The following PTPN12 variants were observed in gnomAD, a reference collection of about 807,000 sequenced individuals.
PTPN12 encodes tyrosine-protein phosphatase non-receptor type 12.
In PTPN12, 29 loss-of-function variants were observed where a neutral mutation model predicts 97.6. The ratio of observed to expected loss-of-function variants is 0.30; its 90% CI spans 0.22 to 0.41. The LOEUF (loss-of-function observed/expected upper bound fraction) is 0.41, where lower values mean the gene tolerates loss of function less well. Among genes scored for constraint, PTPN12 ranks in the 10% least tolerant of loss-of-function variants. The pLI is 1.00. For missense variants in PTPN12, 819 were observed against 926.0 expected, an observed-to-expected ratio of 0.88 and a Z score of 1.50; for synonymous variants, 327 against 300.4, an observed-to-expected ratio of 1.09 and a Z score of -0.91.
In PTPN12 at chr7:77,626,758, A is replaced by G. The variant is rs188683874; in HGVS notation, c.1079A>G (p.His360Arg). 9 of 1,612,834 alleles carry G rather than the reference A, an allele frequency of 5.6e-6. No individual in the cohort carries two copies. The African/African-American group carries it at 1.1e-4, about 19-fold the overall frequency. The part of the protein sequence containing the change: ...KEEILQPPEP[H>R]PVPPILTPSP... Reference sequence around the variant, plus strand: ...GAAATACTGCAGCCACCGGAACCTCATCCAGTGCCACCCATCTTGACACCT... The same window carrying G: ...GAAATACTGCAGCCACCGGAACCTCGTCCAGTGCCACCCATCTTGACACCT... Residue 360 changes from histidine to arginine, a missense_variant, in exon 13 of 18, where the codon CAT (histidine) becomes CGT (arginine). Physicochemically the swap from His to Arg is conservative, Grantham distance 29 (BLOSUM62 0). Around this residue, in one of 5 missense-constraint regions of PTPN12, gnomAD observed 607 missense variants for 577.3 expected, o/e 1.05. Transcript: ENST00000248594.
intron 12 of PTPN12, among the ~76,000 whole-genome samples, chr7:77,623,022 AAAG>A (rs1427840070): frequency 6.6e-5 from 10 of 151,806 alleles, no homozygotes; most frequent in South Asian, 6.2e-4. Flanking sequence ...CAAAAAAAAA[AAAG>A]AAGAAAAAAT....
chr7:77,559,172 A>G (rs1807877785), intron 1 of PTPN12, among the ~76,000 whole-genome samples: 1 of 152,240 alleles, frequency 6.6e-6, no homozygotes, highest in East Asian at 1.9e-4. Flanking sequence ...CTTGTGGACA[A>G]CGTTTCACAC....
chr7:77,563,818 T>G, intron 1 of PTPN12: 1 of 240,372 alleles, frequency 4.2e-6, no homozygotes, highest in Non-Finnish European at 9.0e-6. Flanking sequence ...ATAGGCAGAG[T>G]TGCATATTTT....
At chr7:77,617,358 A>G (rs1031169096) in intron 11 of PTPN12, among the ~76,000 whole-genome samples, 3 of 152,182 alleles carry the variant, frequency 2.0e-5, no homozygotes, top group Non-Finnish European at 4.4e-5. Context: ...AAGTTTTATG[A>G]CATAACTCTG....
chr7:77,622,925 AAAGAT>A (rs1788993604), intron 12 of PTPN12, among the ~76,000 whole-genome samples: 1 of 151,894 alleles, frequency 6.6e-6, no homozygotes, highest in Non-Finnish European at 1.5e-5. Context: ...GTAGGAGAGA[AAAGAT>A]AAGGAAATTA....
chr7:77,609,113 G>C (rs1474619935), intron 9 of PTPN12, among the ~76,000 whole-genome samples: 2 of 152,180 alleles, frequency 1.3e-5, no homozygotes, highest in African/African-American at 4.8e-5. Context: ...CCAGTTACTT[G>C]TCAGGCTGAG....
intron 8 of PTPN12, among the ~76,000 whole-genome samples, chr7:77,606,438 C>G (rs974085656): frequency 6.6e-6 from 1 of 151,964 alleles, no homozygotes. Flanking sequence ...ACTCTGTTAC[C>G]CAGGCTGGAA....
chr7:77,557,599 G>A (rs1163611415), intron 1 of PTPN12, among the ~76,000 whole-genome samples: 1 of 151,960 alleles, frequency 6.6e-6, no homozygotes, highest in Admixed American at 6.6e-5. Context: ...GTACAGTTCT[G>A]TGGCATTAGA....
At chr7:77,582,449 C>T (rs1306874360) in intron 3 of PTPN12, among the ~76,000 whole-genome samples, 2 of 151,940 alleles carry the variant, frequency 1.3e-5, no homozygotes, top group African/African-American at 4.8e-5. Flanking sequence ...GGTGTTTATA[C>T]ATATTTTCAT....
intron 9 of PTPN12, among the ~76,000 whole-genome samples, chr7:77,608,354 AG>A (rs1353236634): frequency 1.3e-5 from 2 of 152,188 alleles, no homozygotes; most frequent in Non-Finnish European, 2.9e-5. Flanking sequence ...GTTTATTGTT[AG>A]TGTTGATTAC....
rs1172727114 is a variant in PTPN12, at chr7:77,605,949, T to C, written c.696-1286T>C. Among the ~76,000 whole-genome samples the C allele has an allele frequency of 6.9e-4, 91 of 131,764 alleles. 1 individual carries two copies. Among genetic ancestry groups the C allele is most frequent in the African/African-American group, 2.4e-3 (82 of 33,952 alleles). 86.4% of individuals were successfully genotyped at this position (131,764 alleles called of 152,430 possible). On this transcript the variant is annotated intron_variant, in intron 8 of 17. Coordinates refer to ENST00000248594, the MANE Select transcript of PTPN12 (RefSeq NM_002835.4). Reference sequence around the variant, plus strand: ...GTACTCTAAAACAAGAGCCATCTTTTTTTTTTTTTTTTTTTTTTTTTTGAG... The same window carrying C: ...GTACTCTAAAACAAGAGCCATCTTTCTTTTTTTTTTTTTTTTTTTTTTGAG...
chr7:77,623,976 G>A (rs1397027178), intron 12 of PTPN12, among the ~76,000 whole-genome samples: 4 of 152,020 alleles, frequency 2.6e-5, no homozygotes, highest in Non-Finnish European at 5.9e-5. Context: ...GAACCAACTT[G>A]TAGGCCAGGT....
chr7:77,639,348 A>G lies in PTPN12; in HGVS notation c.*68A>G. ...AGGTGCCACTGAAAGCCAGATTTAT[A>G]GTATTCCATCTTTAATATGTGGGAC... is the stretch of plus-strand genomic sequence containing the variant. On this transcript the variant is annotated 3_prime_UTR_variant, in exon 18 of 18. Coordinates refer to ENST00000248594, the MANE Select transcript of PTPN12 (RefSeq NM_002835.4). The G allele has an allele frequency of 7.7e-7, 1 of 1,302,996 alleles. No individual in the cohort carries two copies. Among genetic ancestry groups the G allele is most frequent in the South Asian group, 1.2e-5 (1 of 81,132 alleles). The allele number at this position is 1,302,996 out of a possible 1,614,324, so 80.7% of individuals were successfully genotyped here. A position where few individuals can be genotyped will look rare whatever the true frequency, so the allele number is the denominator to read the frequency against.
chr7:77,556,049 GTGTT>G (rs56329736), intron 1 of PTPN12, among the ~76,000 whole-genome samples: 34 of 151,702 alleles, frequency 2.2e-4, no homozygotes, highest in South Asian at 1.7e-3. Context: ...TAATCATAGG[GTGTT>G]TGTTTGTTTG....
chr7:77,611,268 T>C (rs529804214), intron 11 of PTPN12, among the ~76,000 whole-genome samples: 2 of 152,208 alleles, frequency 1.3e-5, no homozygotes, highest in Non-Finnish European at 2.9e-5. Context: ...TGAAATAAAG[T>C]TAGGAAAGAT....
At chr7:77,631,322 G>A (rs1332259184) in intron 13 of PTPN12, among the ~76,000 whole-genome samples, 1 of 152,158 alleles carries the variant, frequency 6.6e-6, no homozygotes, top group African/African-American at 2.4e-5. Context: ...TGTAGGTGGG[G>A]CAAAAGCAAT....
At chr7:77,613,028 C>A (rs973085713) in intron 11 of PTPN12, among the ~76,000 whole-genome samples, 7 of 151,924 alleles carry the variant, frequency 4.6e-5, no homozygotes, top group African/African-American at 1.7e-4. Context: ...GCCTCAGCCT[C>A]CCAAAGTGCT....
At chr7:77,625,777 T>C (rs1789157447) in intron 12 of PTPN12, among the ~76,000 whole-genome samples, 1 of 151,538 alleles carries the variant, frequency 6.6e-6, no homozygotes, top group Non-Finnish European at 1.5e-5. Context: ...ACTGTGTTGC[T>C]CAGGCTGGTC....
intron 8 of PTPN12, among the ~76,000 whole-genome samples, chr7:77,603,554 C>T (rs764039207): frequency 1.5e-4 from 23 of 152,098 alleles, no homozygotes; most frequent in Non-Finnish European, 2.2e-4. Context: ...GGCACAATCT[C>T]GGCTCACTGC....
Sources: gnomAD v4.1 joint callset for allele counts (sites outside exome capture counted in the v4.1 genomes callset) on GRCh38, gnomAD v4.1.1 for gene constraint, gnomAD v4.1.1 regional missense constraint, MANE v1.5 for transcripts, NCBI Gene and HGNC (gene_info 2026-07-23, HGNC 2026-07-21) for gene names.